The following AGBL4 variants were observed in gnomAD, a reference collection of about 807,000 sequenced individuals.
AGBL4 encodes the protein AGBL carboxypeptidase 4, also known as cytosolic carboxypeptidase 6.
A neutral mutation model predicts 66.4 loss-of-function variants in AGBL4; 58 were observed. The observed-to-expected ratio is 0.87, with a 90% CI of 0.71 to 1.09. AGBL4 has a LOEUF of 1.09. Ranked by LOEUF, AGBL4 falls within the 50% of genes least tolerant of loss-of-function variation. The probability of loss-of-function intolerance (pLI) is 0.00; values close to 1 mark genes in which losing one functional copy is unlikely to be tolerated. For missense variants in AGBL4, 579 were observed against 631.0 expected (o/e 0.92, Z 0.88); for synonymous variants, 234 against 222.9 (o/e 1.05, Z -0.44).
intron 5 of AGBL4, among the ~76,000 whole-genome samples, chr1:48,955,308 C>A (rs1205501158): frequency 1.3e-5 from 2 of 152,166 alleles, no homozygotes; most frequent in African/African-American, 4.8e-5. Flanking sequence ...GGTAATGCTG[C>A]AGTTGAGCTT....
intron 1 of AGBL4, among the ~76,000 whole-genome samples, chr1:49,859,022 A>G (rs1485744259): frequency 6.6e-6 from 1 of 152,166 alleles, no homozygotes; most frequent in Non-Finnish European, 1.5e-5. Flanking sequence ...GAAAAAAAAA[A>G]GAAAAAGAAA....
rs34261884 is a variant in AGBL4 at position 49,620,863 on chromosome 1, C to CT, written c.282+76449dup. 6.8e-3 allele frequency among the ~76,000 whole-genome samples: 1,011 copies of CT among 147,834 alleles called. 10 individuals are homozygous for CT. Among genetic ancestry groups the CT allele is most frequent in the East Asian group, 0.024 (119 of 5,056 alleles). ...TTTACTTTTATGTAACCAAATCAAC[C>CT]TTTTTTTTTTCAAAATTACTTGATT... On this transcript the variant is annotated intron_variant, in intron 3 of 13. Coordinates refer to ENST00000371839, the MANE Select transcript of AGBL4 (RefSeq NM_032785.4).
chr1:49,712,296 A>G (rs947945653), intron 2 of AGBL4, among the ~76,000 whole-genome samples: 3 of 151,900 alleles, frequency 2.0e-5, no homozygotes, highest in African/African-American at 7.2e-5. Flanking sequence ...TTTGTTAACT[A>G]TTCATCTATC....
intron 3 of AGBL4, among the ~76,000 whole-genome samples, chr1:49,260,118 A>G (rs1275303277): frequency 8.0e-5 from 12 of 150,338 alleles, no homozygotes; most frequent in South Asian, 4.2e-4. Context: ...ACGAGAACAA[A>G]GACACAACAT....
At chr1:49,114,297 C>G (rs1377919761) in intron 4 of AGBL4, among the ~76,000 whole-genome samples, 2 of 152,150 alleles carry the variant, frequency 1.3e-5, no homozygotes, top group South Asian at 2.1e-4. Flanking sequence ...ACCATATGAA[C>G]CAACCTCTGC....
downstream of AGBL4, among the ~76,000 whole-genome samples, chr1:48,531,833 T>C (rs550010464): frequency 1.3e-5 from 2 of 152,246 alleles, no homozygotes; most frequent in African/African-American, 4.8e-5. Context: ...TGGAGTGCGG[T>C]GGCATGATCA....
intron 3 of AGBL4, among the ~76,000 whole-genome samples, chr1:49,535,456 T>C (rs191539401): frequency 1.1e-3 from 164 of 150,478 alleles, no homozygotes; most frequent in Non-Finnish European, 2.7e-4. Flanking sequence ...TTATATAATT[T>C]AGTGGGAAAA....
chr1:49,628,625 A>G (rs1571206974), intron 3 of AGBL4, among the ~76,000 whole-genome samples: 1 of 151,726 alleles, frequency 6.6e-6, no homozygotes, highest in East Asian at 1.9e-4. Context: ...TGAGCAATCG[A>G]CTCCTTCCTA....
Position 49,069,536 on chromosome 1 carries a change from T to C in AGBL4, c.378-23736A>G, listed in dbSNP as rs548486398. The stretch of plus-strand genomic sequence containing the variant: ...TGTCAGTGTGTCAAAGATCAGATGG[T>C]TGTAGATGTGTGGTGTTTTTTTCTG... On this transcript the variant is annotated intron_variant, in intron 4 of 13. Transcript: ENST00000371839. Among the ~76,000 whole-genome samples, 47 of 151,982 alleles carry C rather than the reference T, an allele frequency of 3.1e-4. 1 individual carries two copies. Among genetic ancestry groups the C allele is most frequent in the African/African-American group, 1.1e-3 (44 of 41,300 alleles).
chr1:48,818,439 G>A (rs912017793), intron 6 of AGBL4, among the ~76,000 whole-genome samples: 2 of 152,040 alleles, frequency 1.3e-5, no homozygotes, highest in African/African-American at 4.8e-5. Context: ...GAAAACACAG[G>A]CAGATTCTAG....
intron 2 of AGBL4, among the ~76,000 whole-genome samples, chr1:49,800,848 C>T (rs1644845291): frequency 7.8e-6 from 1 of 127,608 alleles, no homozygotes; most frequent in African/African-American, 3.0e-5. Flanking sequence ...GTCTTTATAG[C>T]AGCATGATTT....
intron 3 of AGBL4, among the ~76,000 whole-genome samples, chr1:49,589,858 C>T (rs926950376): frequency 6.6e-6 from 1 of 151,978 alleles, no homozygotes; most frequent in Non-Finnish European, 1.5e-5. Flanking sequence ...AAAAACTTCA[C>T]CCTTCCTTAT....
At position 49,608,633 on chromosome 1, in the gene AGBL4, A is replaced by G. The variant is rs1645100966; in HGVS notation, c.282+88680T>C. ...GCAGAAAAAACAAAAGAGATTCTTC[A>G]TATTTGGCATTTATAAGATCCTGTA... On this transcript the variant is annotated intron_variant, in intron 3 of 13. Coordinates refer to ENST00000371839, the MANE Select transcript of AGBL4 (RefSeq NM_032785.4). Among the ~76,000 whole-genome samples the G allele has an allele frequency of 4.6e-5, 7 of 152,268 alleles. No individual in the cohort carries two copies. The South Asian group carries it at 1.4e-3, about 32-fold the overall frequency.
intron 3 of AGBL4, among the ~76,000 whole-genome samples, chr1:49,627,151 T>C (rs1241084739): frequency 6.6e-6 from 1 of 152,124 alleles, no homozygotes; most frequent in Non-Finnish European, 1.5e-5. Flanking sequence ...CTGAAGCCTG[T>C]TGATGTCTAG....
chr1:49,969,402 G>C (rs1657861290), intron 1 of AGBL4, among the ~76,000 whole-genome samples: 1 of 151,974 alleles, frequency 6.6e-6, no homozygotes, highest in South Asian at 2.1e-4. Context: ...TATGATACAG[G>C]CATATTTCTA....
chr1:49,874,683 T>C (rs1456699304), intron 1 of AGBL4, among the ~76,000 whole-genome samples: 1 of 152,154 alleles, frequency 6.6e-6, no homozygotes. Context: ...AGAGTAACTT[T>C]ACACATCTAC....
At chr1:49,828,920 T>A (rs899225245) in intron 2 of AGBL4, among the ~76,000 whole-genome samples, 16 of 151,960 alleles carry the variant, frequency 1.1e-4, no homozygotes, top group Non-Finnish European at 1.5e-4. Flanking sequence ...ATACAAAAAA[T>A]TGGCCGGGCG....
chr1:49,261,111 C>A (rs1422326583), intron 3 of AGBL4, among the ~76,000 whole-genome samples: 8 of 152,194 alleles, frequency 5.3e-5, no homozygotes, highest in East Asian at 3.9e-4. Flanking sequence ...TTCAACAACG[C>A]TTCATGCTAA....
At chr1:48,586,879 A>C (rs1644829600) in intron 11 of AGBL4, 125 bp downstream of exon 11, 1 of 1,243,448 alleles carries the variant, frequency 8.0e-7, no homozygotes, top group Non-Finnish European at 1.1e-6. Context: ...AAGAAGAAGC[A>C]CCTCCATCCT....
Sources: gnomAD v4.1 joint callset for allele counts (sites outside exome capture counted in the v4.1 genomes callset) on GRCh38, gnomAD v4.1.1 for gene constraint, MANE v1.5 for transcripts, NCBI Gene and HGNC (gene_info 2026-07-23, HGNC 2026-07-21) for gene names.